Variants in LRP1B observed in about 807,000 individuals in gnomAD.
LRP1B encodes low-density lipoprotein receptor-related protein 1B.
In LRP1B, 217 loss-of-function variants were observed where a neutral mutation model predicts 556.6. The observed-to-expected ratio is 0.39, with a 90% CI of 0.35 to 0.44. LRP1B has a LOEUF of 0.44. Ranked by LOEUF, LRP1B falls within the 20% of genes least tolerant of loss-of-function variation. The probability of loss-of-function intolerance (pLI) is 1.00; values close to 1 mark genes in which losing one functional copy is unlikely to be tolerated. For synonymous variants in LRP1B, 2,047 were observed against 1,865.8 expected (o/e 1.10, Z -2.50); for missense variants, 5,053 against 5,620.8 (o/e 0.90, Z 3.23).
Position 142,130,546 on chromosome 2 carries a change from G to C in LRP1B, c.82+102C>G, listed in dbSNP as rs974558970. 7.4e-5 allele frequency: 71 copies of C among 960,256 alleles called. No individual in the cohort carries two copies. In the African/African-American group the frequency reaches 1.1e-3, roughly 15 times the overall value. The allele number at this position is 960,256 out of a possible 1,614,324, so 59.5% of individuals were successfully genotyped here. A position where few individuals can be genotyped will look rare whatever the true frequency, so the allele number is the denominator to read the frequency against. On this transcript the variant is annotated intron_variant, in intron 1 of 90. Transcript: ENST00000389484. ...GGTGGTCACCCGGTCCCGGGGAGCG[G>C]AGCTGCAAGGACTTAAGTTTCACAC... is the stretch of plus-strand genomic sequence containing the variant.
At chr2:142,098,442 A>G (rs943295734) in intron 1 of LRP1B, among the ~76,000 whole-genome samples, 4 of 151,792 alleles carry the variant, frequency 2.6e-5, no homozygotes, top group African/African-American at 9.7e-5. Context: ...AGAAGTAGAT[A>G]TTACTGGAAA....
intron 1 of LRP1B, among the ~76,000 whole-genome samples, chr2:141,927,056 T>C (rs938784516): frequency 7.9e-5 from 12 of 152,156 alleles, no homozygotes; most frequent in African/African-American, 2.9e-4. Flanking sequence ...TTGATTAGTT[T>C]ATAAACCTCT....
intron 6 of LRP1B, among the ~76,000 whole-genome samples, chr2:141,189,619 G>A (rs1681408278): frequency 6.6e-6 from 1 of 151,600 alleles, no homozygotes; most frequent in Non-Finnish European, 1.5e-5. Flanking sequence ...AGATTAATTT[G>A]GCCTCAGCTT....
intron 2 of LRP1B, among the ~76,000 whole-genome samples, chr2:141,794,627 T>C (rs553306151): frequency 2.9e-4 from 44 of 152,136 alleles, no homozygotes; most frequent in Admixed American, 2.6e-4. Flanking sequence ...TTATGATACA[T>C]AAGATATTTA....
chr2:140,287,202 C>T (rs1250621327), intron 84 of LRP1B, among the ~76,000 whole-genome samples: 1 of 151,674 alleles, frequency 6.6e-6, no homozygotes, highest in Non-Finnish European at 1.5e-5. Flanking sequence ...TGTTTTAAAA[C>T]ATTTTATTTA....
intron 3 of LRP1B, among the ~76,000 whole-genome samples, chr2:141,370,316 T>G (rs1274264978): frequency 6.6e-6 from 1 of 152,126 alleles, no homozygotes; most frequent in African/African-American, 2.4e-5. Context: ...ATCTGTTAAT[T>G]TTTTGTCTTT....
intron 20 of LRP1B, among the ~76,000 whole-genome samples, chr2:140,946,005 T>A (rs1199409325): frequency 6.6e-6 from 1 of 151,540 alleles, no homozygotes; most frequent in Non-Finnish European, 1.5e-5. Context: ...CTGAAAGAAA[T>A]CAATAAGAAA....
At chr2:140,381,739 G>A (rs1032572683) in intron 67 of LRP1B, among the ~76,000 whole-genome samples, 3 of 151,688 alleles carry the variant, frequency 2.0e-5, no homozygotes, top group African/African-American at 7.3e-5. Context: ...GTGCGCACCT[G>A]TAATCCCAGC....
At chr2:140,669,788 A>T (rs1685414771) in intron 41 of LRP1B, among the ~76,000 whole-genome samples, 1 of 152,078 alleles carries the variant, frequency 6.6e-6, no homozygotes, top group Non-Finnish European at 1.5e-5. Flanking sequence ...TGTCCTAAAA[A>T]TTGTTTAGAT....
At position 141,934,541 on chromosome 2, in the gene LRP1B, A is replaced by T. The variant is rs531436301; in HGVS notation, c.83-124140T>A. On this transcript the variant is annotated intron_variant, in intron 1 of 90. Coordinates refer to ENST00000389484, the MANE Select transcript of LRP1B (RefSeq NM_018557.3). Reference sequence around the variant, plus strand: ...AAAAATTCAGAGCAAAATAATTCAGATTACCCATTGATATGGTTTGGTTGT... The same window carrying T: ...AAAAATTCAGAGCAAAATAATTCAGTTTACCCATTGATATGGTTTGGTTGT... Among the ~76,000 whole-genome samples, 46 of 152,218 alleles carry T rather than the reference A, an allele frequency of 3.0e-4. 1 individual carries two copies. The South Asian group carries it at 8.9e-3, about 30-fold the overall frequency.
intron 43 of LRP1B, among the ~76,000 whole-genome samples, 169 bp from the exon 44 acceptor site, chr2:140,542,140 AT>A (rs1257443902): frequency 7.8e-6 from 1 of 128,676 alleles, no homozygotes; most frequent in African/African-American, 2.6e-5. Flanking sequence ...TATGCTTTAT[AT>A]TTTATTTAAA....
intron 7 of LRP1B, among the ~76,000 whole-genome samples, chr2:141,080,348 G>T (rs950131184): frequency 6.6e-6 from 1 of 152,098 alleles, no homozygotes; most frequent in African/African-American, 2.4e-5. Flanking sequence ...TACTGATTTT[G>T]CTTCTTAGTG....
At chr2:141,356,123 T>G (rs1688619002) in intron 3 of LRP1B, among the ~76,000 whole-genome samples, 1 of 152,142 alleles carries the variant, frequency 6.6e-6, no homozygotes, top group Non-Finnish European at 1.5e-5. Context: ...TGCAAAAAAT[T>G]AGGAAGAACA....
At chr2:141,897,055 G>A (rs1447647101) in intron 1 of LRP1B, among the ~76,000 whole-genome samples, 1 of 151,998 alleles carries the variant, frequency 6.6e-6, no homozygotes, top group East Asian at 1.9e-4. Context: ...TAAATTACAT[G>A]TTCATAGGAC....
At chr2:140,742,639 T>C (rs1688180784) in intron 35 of LRP1B, among the ~76,000 whole-genome samples, 1 of 152,032 alleles carries the variant, frequency 6.6e-6, no homozygotes, top group Admixed American at 6.6e-5. Context: ...GGTCTCACTA[T>C]GTTACCCAGG....
chr2:140,743,782 A>T (rs532340673), intron 35 of LRP1B, among the ~76,000 whole-genome samples: 11 of 151,646 alleles, frequency 7.3e-5, no homozygotes, highest in Admixed American at 1.3e-4. Flanking sequence ...ACATGGTGAA[A>T]CCCTGTCTCT....
At chr2:141,551,043 T>C (rs1464460666) in intron 2 of LRP1B, among the ~76,000 whole-genome samples, 1 of 152,088 alleles carries the variant, frequency 6.6e-6, no homozygotes, top group Admixed American at 6.6e-5. Context: ...TATTACAAGA[T>C]ATTTTTATAT....
chr2:141,640,735 A>G (rs1347658), intron 2 of LRP1B, among the ~76,000 whole-genome samples: 124,063 of 151,924 alleles, frequency 0.82, 50,794 homozygotes, highest in East Asian at 0.93. Flanking sequence ...TGGAGGTTGC[A>G]GTGAGCTGAG....
At chr2:140,381,858 T>A (rs1351508672) in intron 67 of LRP1B, among the ~76,000 whole-genome samples, 4 of 120,938 alleles carry the variant, frequency 3.3e-5, no homozygotes, top group Non-Finnish European at 1.6e-5. Flanking sequence ...TGAGGCTCCC[T>A]TTCAAAAAAA....
Sources: gnomAD v4.1 joint callset for allele counts (sites outside exome capture counted in the v4.1 genomes callset) on GRCh38, gnomAD v4.1.1 for gene constraint, MANE v1.5 for transcripts, NCBI Gene and HGNC (gene_info 2026-07-23, HGNC 2026-07-21) for gene names.